CTNNA2: variants seen among roughly 807,000 people sequenced by gnomAD.
CTNNA2 encodes the protein catenin alpha-2.
CTNNA2 carries 42 observed loss-of-function variants against 101.0 expected under a neutral mutation model. The ratio of observed to expected loss-of-function variants is 0.42; its 90% confidence interval spans 0.32 to 0.54. CTNNA2 has a LOEUF of 0.54. Ranked by LOEUF, CTNNA2 falls within the 20% of genes least tolerant of loss-of-function variation. The probability of loss-of-function intolerance (pLI) is 0.14; values close to 1 mark genes in which losing one functional copy is unlikely to be tolerated. For synonymous variants in CTNNA2, 450 were observed against 456.4 expected, an observed-to-expected ratio of 0.99 and a Z score of 0.18; for missense variants, 871 against 1,223.1, an observed-to-expected ratio of 0.71 and a Z score of 4.29.
intron 9 of CTNNA2, among the ~76,000 whole-genome samples, chr2:80,471,567 G>A (rs2149486729): frequency 6.6e-6 from 1 of 152,260 alleles, no homozygotes; most frequent in South Asian, 2.1e-4. Context: ...ACCAAGAAGA[G>A]GCAATTATCA....
At chr2:79,474,119 T>C (rs1471889011) in intron 4 of CTNNA2, among the ~76,000 whole-genome samples, 1 of 152,126 alleles carries the variant, frequency 6.6e-6, no homozygotes, top group African/African-American at 2.4e-5. Context: ...GTTTATAATG[T>C]ATATTAAAGA....
chr2:80,580,782 A>G (rs1573349453), intron 13 of CTNNA2, among the ~76,000 whole-genome samples: 1 of 152,316 alleles, frequency 6.6e-6, no homozygotes, highest in East Asian at 1.9e-4. Context: ...TGGGAGGCCA[A>G]TGCGGGCAGA....
intron 2 of CTNNA2, among the ~76,000 whole-genome samples, chr2:79,723,996 C>T (rs1026753445): frequency 6.6e-6 from 1 of 152,148 alleles, no homozygotes; most frequent in East Asian, 1.9e-4. Context: ...CTCATCATGA[C>T]TTCAGCACCA....
rs570676029 is a variant in CTNNA2 at position 80,547,457 on chromosome 2, C to G, written c.1540+1394C>G. On this transcript the variant is annotated intron_variant, in intron 11 of 18. Transcript: ENST00000402739. ...TCCTCTTTTCAGAAACTCTATAATTCTCAATATGTCAAGATAGAAAGGAAA... is the reference window on the plus strand; with the variant it reads ...TCCTCTTTTCAGAAACTCTATAATTGTCAATATGTCAAGATAGAAAGGAAA... 2.0e-5 allele frequency among the ~76,000 whole-genome samples: 3 copies of G among 152,204 alleles called. No individual in the cohort carries two copies. In the South Asian group the frequency reaches 6.2e-4, roughly 32 times the overall value.
chr2:79,904,931 C>T (rs571843441), intron 6 of CTNNA2, among the ~76,000 whole-genome samples: 3 of 152,256 alleles, frequency 2.0e-5, no homozygotes, highest in East Asian at 1.9e-4. Context: ...GAAGTAGTTT[C>T]GAACTACATA....
chr2:79,982,328 C>CATATATAAA lies in CTNNA2; in HGVS notation c.1056+72532_1056+72533insTATATAAAA, dbSNP rs1691400316. On this transcript the variant is annotated intron_variant, in intron 7 of 18. Coordinates refer to ENST00000402739, the MANE Select transcript of CTNNA2 (RefSeq NM_001282597.3). The stretch of plus-strand genomic sequence containing the variant: ...TAAAACATATATAACATATATAACA[C>CATATATAAA]ACATATAAAACATATATAACCTATA... Among the ~76,000 whole-genome samples the CATATATAAA allele has an allele frequency of 1.4e-4, 18 of 125,826 alleles. 1 individual carries two copies. In the South Asian group the frequency reaches 4.6e-3, roughly 32 times the overall value. The allele number at this position is 125,826 out of a possible 152,430, so 82.5% of individuals were successfully genotyped here.
chr2:79,404,348 A>G (rs1329695726), intron 4 of CTNNA2, among the ~76,000 whole-genome samples: 1 of 151,994 alleles, frequency 6.6e-6, no homozygotes, highest in African/African-American at 2.4e-5. Flanking sequence ...AATCAAGTGA[A>G]TATTAGTATT....
chr2:80,545,178 T>G, intron 10 of CTNNA2, 104 bp downstream of exon 10: 1 of 1,058,360 alleles, frequency 9.4e-7, no homozygotes, highest in African/African-American at 1.6e-5. Context: ...TGAAAAAGGC[T>G]ACTCATCATT....
At chr2:80,029,696 A>G (rs1695167093) in intron 7 of CTNNA2, among the ~76,000 whole-genome samples, 1 of 146,116 alleles carries the variant, frequency 6.8e-6, no homozygotes, top group Non-Finnish European at 1.5e-5. Flanking sequence ...TTAAGATTCT[A>G]CTAAGAATCT....
chr2:79,456,702 C>T (rs779357982), intron 4 of CTNNA2, among the ~76,000 whole-genome samples: 7 of 152,192 alleles, frequency 4.6e-5, no homozygotes, highest in Non-Finnish European at 7.4e-5. Context: ...ACTCTTGGAA[C>T]GATTGAAATC....
At chr2:80,440,632 T>A (rs556755120) in intron 9 of CTNNA2, among the ~76,000 whole-genome samples, 14 of 138,876 alleles carry the variant, frequency 1.0e-4, no homozygotes, top group African/African-American at 4.6e-4. Flanking sequence ...ATAAAGTTGA[T>A]GAAGGATAAA....
chr2:80,249,709 T>C (rs1573509989), intron 7 of CTNNA2, among the ~76,000 whole-genome samples: 1 of 152,168 alleles, frequency 6.6e-6, no homozygotes, highest in East Asian at 1.9e-4. Context: ...AACTATTACA[T>C]TCAGCTGCCT....
chr2:80,187,234 C>T (rs910453416), intron 7 of CTNNA2, among the ~76,000 whole-genome samples: 5 of 152,058 alleles, frequency 3.3e-5, no homozygotes, highest in Admixed American at 6.5e-5. Context: ...GCCTGGAGCT[C>T]GTGGTGACTT....
At chr2:79,312,643 T>A (rs1260065821) in intron 2 of CTNNA2, 1 of 152,220 alleles carries the variant, frequency 6.6e-6, no homozygotes, top group Non-Finnish European at 1.5e-5. Context: ...GCATTGTAGA[T>A]GAAACCTTTG....
intron 7 of CTNNA2, among the ~76,000 whole-genome samples, chr2:80,047,910 G>A (rs1449254972): frequency 6.6e-6 from 1 of 152,180 alleles, no homozygotes; most frequent in African/African-American, 2.4e-5. Flanking sequence ...CTCACAATTT[G>A]TTACAGATAT....
intron 2 of CTNNA2, among the ~76,000 whole-genome samples, chr2:79,668,807 C>A (rs551155938): frequency 2.0e-5 from 3 of 152,180 alleles, no homozygotes; most frequent in Non-Finnish European, 4.4e-5. Flanking sequence ...TAAGACATAG[C>A]AGCTTGGTTG....
At chr2:79,420,567 CAAAA>C (rs1678530640) in intron 4 of CTNNA2, among the ~76,000 whole-genome samples, 1 of 152,016 alleles carries the variant, frequency 6.6e-6, no homozygotes, top group African/African-American at 2.4e-5. Context: ...CTTTGAAATC[CAAAA>C]TAAGTTTATG....
chr2:80,547,109 T>C (rs1692145054), intron 11 of CTNNA2, among the ~76,000 whole-genome samples: 2 of 152,174 alleles, frequency 1.3e-5, no homozygotes, highest in African/African-American at 4.8e-5. Context: ...GTTTAGAAAA[T>C]GTTTCTAGTT....
intron 12 of CTNNA2, among the ~76,000 whole-genome samples, chr2:80,569,146 T>A (rs990814734): frequency 1.1e-4 from 16 of 152,128 alleles, no homozygotes; most frequent in African/African-American, 3.9e-4. Context: ...CACCCTGTGT[T>A]CTGAAACTTC....
Sources: gnomAD v4.1 joint callset for allele counts (sites outside exome capture counted in the v4.1 genomes callset) on GRCh38, gnomAD v4.1.1 for gene constraint, MANE v1.5 for transcripts, NCBI Gene and HGNC (gene_info 2026-07-23, HGNC 2026-07-21) for gene names.